TBCE: variants seen among roughly 807,000 people sequenced by gnomAD.
TBCE encodes the protein tubulin-specific chaperone E.
TBCE carries 53 observed loss-of-function variants against 77.0 expected under a neutral mutation model. The observed-to-expected ratio is 0.69, with a 90% CI of 0.55 to 0.87. The LOEUF is 0.87. TBCE is among the 40% of genes least tolerant of loss of function. The probability of loss-of-function intolerance (pLI) is 0.00; values close to 1 mark genes in which losing one functional copy is unlikely to be tolerated. For synonymous variants in TBCE, 235 were observed against 241.3 expected, an observed-to-expected ratio of 0.97 and a Z score of 0.24; for missense variants, 624 against 622.4, an observed-to-expected ratio of 1.00 and a Z score of -0.03.
At chr1:235,410,376 C>T (rs1194185908) in intron 3 of TBCE, among the ~76,000 whole-genome samples, 2 of 152,104 alleles carry the variant, frequency 1.3e-5, no homozygotes, top group Non-Finnish European at 2.9e-5. Flanking sequence ...TTATTCATGC[C>T]TCCCCTTTTA....
At chr1:235,404,131 G>A (rs370064841) in intron 3 of TBCE, among the ~76,000 whole-genome samples, 174 of 152,248 alleles carry the variant, frequency 1.1e-3, no homozygotes, top group African/African-American at 4.0e-3. Context: ...ATAAAAATTA[G>A]CCAGGCGTGG....
At chr1:235,394,418 C>CTTTT (rs386370043) in intron 2 of TBCE, among the ~76,000 whole-genome samples, 1,577 of 72,306 alleles carry the variant, frequency 0.022, 108 homozygotes, top group Middle Eastern at 0.038. Context: ...TTGATAATTT[C>CTTTT]TTTTTTTTTT....
chr1:235,416,648 G>A (rs143777077), intron 4 of TBCE, among the ~76,000 whole-genome samples: 10 of 152,082 alleles, frequency 6.6e-5, no homozygotes, highest in East Asian at 3.9e-4. Context: ...ATGGATTTTC[G>A]TCCCCTAGTT....
intron 2 of TBCE, among the ~76,000 whole-genome samples, chr1:235,397,555 G>A (rs1558359442): frequency 6.6e-6 from 1 of 152,016 alleles, no homozygotes; most frequent in Non-Finnish European, 1.5e-5. Context: ...TTTTGTGATG[G>A]ATTAATTATT....
In TBCE at chr1:235,404,247, A is replaced by T. The variant is rs142840207; in HGVS notation, c.185+2660A>T. On this transcript the variant is annotated intron_variant, in intron 3 of 16. Coordinates refer to ENST00000642610, the MANE Select transcript of TBCE (RefSeq NM_003193.5). ...AGCTGAGGTCGTGCCACTGCACTCC[A>T]GCCTGCGTGACAGAGCAAGACTCCG... Among the ~76,000 whole-genome samples, 867 of 151,772 alleles carry T rather than the reference A, an allele frequency of 5.7e-3. 9 individuals carry two copies. The highest frequency in any genetic ancestry group is 0.033 in the East Asian group (169 of 5,126).
Position 235,438,931 on chromosome 1 carries a change from G to A in TBCE, c.1270+9G>A, listed in dbSNP as rs748495327. ...CCAGTTCCTCTGCCTGAGTACGTGC[G>A]TATACACTGGTGGCCTTCAGGTGGT... On this transcript the variant is annotated intron_variant, in intron 13 of 16. Coordinates refer to ENST00000642610, the MANE Select transcript of TBCE (RefSeq NM_003193.5). 5.0e-6 allele frequency: 8 copies of A among 1,613,986 alleles called. No homozygotes were observed. The highest frequency in any genetic ancestry group is 1.6e-4 in the Middle Eastern group (1 of 6,080).
rs1679106587 is a variant in TBCE, at chr1:235,401,575, A to G, written c.173A>G (p.Tyr58Cys). The change falls in exon 3 of 17, where the codon TAT becomes TGT. Residue 58 changes from tyrosine to cysteine, a missense_variant. Tyr to Cys is a radical substitution (Grantham distance 194). Coordinates refer to ENST00000642610, the MANE Select transcript of TBCE (RefSeq NM_003193.5). Reference sequence around the variant, plus strand: ...GATGGGAGCCACGAAGGGACTGTGTATTTTAAATGCAGGTAACTTTTCATT... The same window carrying G: ...GATGGGAGCCACGAAGGGACTGTGTGTTTTAAATGCAGGTAACTTTTCATT... Reference protein sequence around the residue: ...KHDGSHEGTVYFKCRHPTGGS... With the variant: ...KHDGSHEGTVCFKCRHPTGGS... 1.2e-6 allele frequency: 2 copies of G among 1,613,460 alleles called. No individual in the cohort carries two copies. The highest frequency in any genetic ancestry group is 1.3e-5 in the African/African-American group (1 of 74,920).
rs11285286 is a variant in TBCE, at chr1:235,401,826, CTT to C, written c.185+261_185+262del. On this transcript the variant is annotated intron_variant, in intron 3 of 16. Coordinates refer to ENST00000642610, the MANE Select transcript of TBCE (RefSeq NM_003193.5). ...TATGCATGGCGTTGCTTTCTTCGTC[CTT>C]TTTTTTTTTTTTTTTTTTTTTAACA... Among the ~76,000 whole-genome samples the C allele has an allele frequency of 5.8e-3, 514 of 88,584 alleles. 4 individuals carry two copies. The highest frequency in any genetic ancestry group is 0.027 in the East Asian group (87 of 3,244). The allele number at this position is 88,584 out of a possible 152,430, so 58.1% of individuals were successfully genotyped here.
At chr1:235,440,128 A>T (rs1000495812) in intron 13 of TBCE, among the ~76,000 whole-genome samples, 3 of 151,266 alleles carry the variant, frequency 2.0e-5, no homozygotes, top group Non-Finnish European at 2.9e-5. Context: ...CCACCACCAC[A>T]CCCGGCTAAT....
Position 235,380,130 on chromosome 1 carries a change from T to C in TBCE, c.81T>C (p.Gly27=). 6.2e-7 allele frequency: 1 copy of C among 1,612,794 alleles called. No homozygotes were observed. The highest frequency in any genetic ancestry group is 1.3e-5 in the African/African-American group (1 of 74,808). ...AACATGCAACAGTACGTTTTGCTGG[T>C]GTTGTCCCTCCCGTGGCAGGTAAGC... The part of the protein sequence containing the change: ...NGEHATVRFA[G]VVPPVAGPWL... Residue 27 remains glycine, a synonymous_variant, in exon 2 of 17, where the codon GGT becomes GGC. Transcript: ENST00000642610.
intron 2 of TBCE, among the ~76,000 whole-genome samples, chr1:235,386,230 C>T (rs1677988482): frequency 6.6e-6 from 1 of 152,286 alleles, no homozygotes; most frequent in Admixed American, 6.5e-5. Context: ...CTGCCCTTAA[C>T]ATTTTTTCCT....
intron 2 of TBCE, among the ~76,000 whole-genome samples, chr1:235,386,239 CTTCAT>C (rs1173880602): frequency 6.6e-6 from 1 of 152,110 alleles, no homozygotes; most frequent in Non-Finnish European, 1.5e-5. Context: ...ACATTTTTTC[CTTCAT>C]TTCAACTTTG....
Position 235,435,859 on chromosome 1 carries a change from C to T in TBCE, c.833+19C>T. The T allele has an allele frequency of 1.3e-6, 2 of 1,595,830 alleles. No individual in the cohort carries two copies. The highest frequency in any genetic ancestry group is 8.6e-7 in the Non-Finnish European group (1 of 1,163,330). ...TGCCCAGGTAATTTGCCCCTAAATG[C>T]CTGATACAATAGTGTTCAGTCAATT... On this transcript the variant is annotated intron_variant, in intron 9 of 16. Transcript: ENST00000642610.
chr1:235,401,826 C>CTTTTTTTT (rs11285286), intron 3 of TBCE, among the ~76,000 whole-genome samples: 1 of 88,604 alleles, frequency 1.1e-5, no homozygotes, highest in Non-Finnish European at 2.1e-5. Flanking sequence ...TTTCTTCGTC[C>CTTTTTTTT]TTTTTTTTTT....
rs541707361 is a variant in TBCE, at chr1:235,422,591, A to G, written c.460+3030A>G. On this transcript the variant is annotated intron_variant, in intron 5 of 16. Coordinates refer to ENST00000642610, the MANE Select transcript of TBCE (RefSeq NM_003193.5). Reference sequence around the variant, plus strand: ...ACGCCTGTAATTCCAGCACTTTGGGAGGCTGAGGCAGGTGGATCACCTAAG... The same window carrying G: ...ACGCCTGTAATTCCAGCACTTTGGGGGGCTGAGGCAGGTGGATCACCTAAG... Among the ~76,000 whole-genome samples, 3 of 151,858 alleles carry G rather than the reference A, an allele frequency of 2.0e-5. No individual in the cohort carries two copies. In the South Asian group the frequency reaches 6.2e-4, roughly 32 times the overall value.
At chr1:235,414,361 T>A in intron 3 of TBCE, 72 bp from the exon 4 acceptor site, 1 of 1,520,738 alleles carries the variant, frequency 6.6e-7, no homozygotes, top group South Asian at 1.1e-5. Context: ...TTTGAAGACC[T>A]TCAGAAAATT....
chr1:235,374,491 G>C (rs1372806960), intron 1 of TBCE, among the ~76,000 whole-genome samples: 1 of 145,110 alleles, frequency 6.9e-6, no homozygotes, highest in Non-Finnish European at 1.5e-5. Context: ...GTAACAAATG[G>C]CCTTCCATAT....
At chr1:235,418,116 C>G (rs1398691390) in intron 4 of TBCE, among the ~76,000 whole-genome samples, 5 of 152,288 alleles carry the variant, frequency 3.3e-5, no homozygotes, top group African/African-American at 1.2e-4. Flanking sequence ...CTTATTTCAC[C>G]TAGCATAATA....
chr1:235,416,408 C>T (rs1485629821), intron 4 of TBCE, among the ~76,000 whole-genome samples: 3 of 151,786 alleles, frequency 2.0e-5, no homozygotes, highest in Non-Finnish European at 4.4e-5. Context: ...TGCCTATAGT[C>T]CCAACTATTT....
Sources: gnomAD v4.1 joint callset for allele counts (sites outside exome capture counted in the v4.1 genomes callset) on GRCh38, gnomAD v4.1.1 for gene constraint, MANE v1.5 for transcripts, NCBI Gene and HGNC (gene_info 2026-07-23, HGNC 2026-07-21) for gene names.